The following CLSTN1 variants were observed in gnomAD, a reference collection of about 807,000 sequenced individuals.
CLSTN1 encodes calsyntenin-1.
CLSTN1 carries 28 observed loss-of-function variants against 108.3 expected under a neutral mutation model. The ratio of observed to expected loss-of-function variants is 0.26; its 90% CI spans 0.19 to 0.35. The LOEUF is 0.35. CLSTN1 is among the 10% of genes least tolerant of loss of function. CLSTN1 has a pLI of 1.00. For synonymous variants in CLSTN1, 524 were observed against 534.9 expected (o/e 0.98, Z 0.28); for missense variants, 1,157 against 1,302.6 (o/e 0.89, Z 1.72).
chr1:9,808,649 G>A (rs531210246), intron 1 of CLSTN1, among the ~76,000 whole-genome samples: 27 of 152,106 alleles, frequency 1.8e-4, no homozygotes, highest in African/African-American at 5.8e-4. Flanking sequence ...GGGCCAGTTC[G>A]GTTTACCCAG....
intron 1 of CLSTN1, chr1:9,781,134 T>A (rs1321498592): frequency 8.0e-6 from 6 of 749,116 alleles, no homozygotes; most frequent in Non-Finnish European, 1.5e-5. Flanking sequence ...CCTATTTGTG[T>A]ACGGCTTTGT....
At chr1:9,783,059 C>G (rs957418402) in intron 1 of CLSTN1, among the ~76,000 whole-genome samples, 2 of 152,012 alleles carry the variant, frequency 1.3e-5, no homozygotes, top group East Asian at 3.9e-4. Context: ...TCACAAGTAA[C>G]GGGGATTTCA....
chr1:9,766,961 C>A (rs1251893479), intron 2 of CLSTN1, among the ~76,000 whole-genome samples: 1 of 152,216 alleles, frequency 6.6e-6, no homozygotes, highest in African/African-American at 2.4e-5. Context: ...CCTGTGGCTA[C>A]CCACACACAC....
chr1:9,799,274 C>T (rs923671044), intron 1 of CLSTN1, among the ~76,000 whole-genome samples: 2 of 152,144 alleles, frequency 1.3e-5, no homozygotes, highest in Non-Finnish European at 2.9e-5. Context: ...CCATGGGAAC[C>T]GGTGCCAGGG....
Position 9,731,410 on chromosome 1 carries a change from C to T in CLSTN1, c.2564-20G>A, listed in dbSNP as rs750939437. The T allele has an allele frequency of 2.2e-5, 35 of 1,611,010 alleles. No homozygotes were observed. The highest frequency in any genetic ancestry group is 6.7e-5 in the Admixed American group (4 of 59,942). On this transcript the variant is annotated intron_variant, in intron 17 of 18. Transcript: ENST00000377298. ...GGACGACTGTGGGAGAATGAGGGGG[C>T]GGGATGCGAGGTCACTCGGCCCAGA...
At chr1:9,803,827 T>G (rs1273764019) in intron 1 of CLSTN1, among the ~76,000 whole-genome samples, 1 of 152,000 alleles carries the variant, frequency 6.6e-6, no homozygotes, top group East Asian at 1.9e-4. Flanking sequence ...AAATTAAATT[T>G]TTTTTAAAAA....
chr1:9,781,445 TC>T (rs1653241666), intron 1 of CLSTN1, among the ~76,000 whole-genome samples: 2 of 151,772 alleles, frequency 1.3e-5, no homozygotes, highest in Admixed American at 6.6e-5. Flanking sequence ...CACATCTTAT[TC>T]TTTTTTTTTT....
intron 2 of CLSTN1, among the ~76,000 whole-genome samples, chr1:9,757,067 C>T (rs1260801425): frequency 2.0e-5 from 3 of 151,546 alleles, no homozygotes; most frequent in African/African-American, 2.4e-5. Context: ...AGTGAGCCCC[C>T]GTGCCCGGCA....
Position 9,807,012 on chromosome 1 carries a change from G to C in CLSTN1, c.91+16631C>G, listed in dbSNP as rs572178195. Reference sequence around the variant, plus strand: ...TTTTCTTGTTCTACAGTAAGGGCGTGGGGGGGGGTCTGGAGCAGCATTGCC... The same window carrying C: ...TTTTCTTGTTCTACAGTAAGGGCGTCGGGGGGGGTCTGGAGCAGCATTGCC... On this transcript the variant is annotated intron_variant, in intron 1 of 18. Transcript: ENST00000377298. Among the ~76,000 whole-genome samples the C allele has an allele frequency of 8.2e-4, 120 of 146,006 alleles. 3 individuals carry two copies. The South Asian group carries it at 0.024, about 29-fold the overall frequency.
chr1:9,787,005 G>GA (rs1256245156), intron 1 of CLSTN1, among the ~76,000 whole-genome samples: 1 of 151,460 alleles, frequency 6.6e-6, no homozygotes, highest in Non-Finnish European at 1.5e-5. Context: ...AGGATGCCAG[G>GA]AGAGTCCCAA....
chr1:9,730,562 C>CT lies in CLSTN1; in HGVS notation c.2891dup (p.Asn965GlufsTer12), dbSNP rs1557686956. On this transcript the variant is annotated frameshift_variant, in exon 19 of 19. Coordinates refer to ENST00000377298, the MANE Select transcript of CLSTN1 (RefSeq NM_001009566.3). LOFTEE classifies it high-confidence loss of function. This position sits in a 1 kb window ranked among gnomAD's most constrained non-coding sequence, Gnocchi z 5.6. ...CCAGCTGCTGCTGCCGGGTTGCGTT[C>CT]TGGGGGTCGCCCTGCTCCCCCTCCT... 6.2e-7 allele frequency: 1 copy of CT among 1,608,588 alleles called. No individual in the cohort carries two copies. Among genetic ancestry groups the CT allele is most frequent in the African/African-American group, 1.3e-5 (1 of 75,016 alleles).
chr1:9,736,693 G>C (rs1026701895), intron 11 of CLSTN1, among the ~76,000 whole-genome samples: 1 of 152,132 alleles, frequency 6.6e-6, no homozygotes, highest in African/African-American at 2.4e-5. Flanking sequence ...AAACTGAAAA[G>C]GAAAAGGGAC....
At chr1:9,798,169 AGGGAGG>A (rs1464117295) in intron 1 of CLSTN1, among the ~76,000 whole-genome samples, 1 of 61,026 alleles carries the variant, frequency 1.6e-5, no homozygotes, top group African/African-American at 6.6e-5. Context: ...GGAGGGGAAG[AGGGAGG>A]GGGAGGGGAG....
intron 1 of CLSTN1, among the ~76,000 whole-genome samples, chr1:9,803,664 G>A (rs748336739): frequency 3.9e-5 from 6 of 152,064 alleles, no homozygotes; most frequent in Non-Finnish European, 8.8e-5. Flanking sequence ...TTAGCTGGGT[G>A]TGGTGGTATA....
Position 9,755,294 on chromosome 1 carries a change from A to C in CLSTN1, c.260T>G (p.Phe87Cys). The change falls in exon 4 of 19, where the codon TTT becomes TGT. Residue 87 changes from phenylalanine to cysteine, a missense_variant. Transcript: ENST00000377298. ...GGGGACATTCTGCCCGTGAATTTTA[A>C]ATCCACAAATCTCACCTAGGGAGTC... ...TVTKEGEICG[F>C]KIHGQNVPFD... 6.2e-7 allele frequency: 1 copy of C among 1,612,344 alleles called. No individual in the cohort carries two copies. The highest frequency in any genetic ancestry group is 8.5e-7 in the Non-Finnish European group (1 of 1,178,592).
chr1:9,742,911 A>C (rs1029177464), intron 9 of CLSTN1, among the ~76,000 whole-genome samples: 12 of 148,932 alleles, frequency 8.1e-5, no homozygotes, highest in African/African-American at 2.9e-4. Flanking sequence ...GTCTCGGGGG[A>C]AAAAAAAAAG....
rs539190020 is a variant in CLSTN1 at position 9,809,984 on chromosome 1, A to G, written c.91+13659T>C. ...AACCTGGGAGGCAGAGGCTGCAGTG[A>G]GCCAAGATCATGCCACTGCACTCCA... On this transcript the variant is annotated intron_variant, in intron 1 of 18. Coordinates refer to ENST00000377298, the MANE Select transcript of CLSTN1 (RefSeq NM_001009566.3). 6.2e-5 allele frequency among the ~76,000 whole-genome samples: 9 copies of G among 144,090 alleles called. No individual in the cohort carries two copies. In the East Asian group the frequency reaches 1.9e-3, roughly 30 times the overall value. 94.5% of individuals were successfully genotyped at this position (144,090 alleles called of 152,430 possible).
At chr1:9,735,666 G>A in intron 12 of CLSTN1, 51 bp from the exon 13 acceptor site, 1 of 1,608,602 alleles carries the variant, frequency 6.2e-7, no homozygotes, top group Non-Finnish European at 8.5e-7. Flanking sequence ...GTAACCGCAG[G>A]AGCTGAAACC....
intron 2 of CLSTN1, among the ~76,000 whole-genome samples, chr1:9,762,984 C>CA (rs1287235504): frequency 6.6e-6 from 1 of 151,684 alleles, no homozygotes. Context: ...TTTTTGGAGA[C>CA]AGAGTCTCGC....
Sources: gnomAD v4.1 joint callset for allele counts (sites outside exome capture counted in the v4.1 genomes callset) on GRCh38, gnomAD v4.1.1 for gene constraint, Gnocchi (gnomAD v3.1) non-coding constraint, MANE v1.5 for transcripts, NCBI Gene and HGNC (gene_info 2026-07-23, HGNC 2026-07-21) for gene names.